AUNIP: variants seen among roughly 807,000 people sequenced by gnomAD.
The protein encoded by AUNIP is aurora kinase A and ninein interacting protein.
AUNIP carries 16 observed loss-of-function variants against 12.2 expected under a neutral mutation model. The ratio of observed to expected loss-of-function variants is 1.31; its 90% CI spans 0.88 to 1.99. The LOEUF (loss-of-function observed/expected upper bound fraction) is 1.99. Among genes scored for constraint, AUNIP ranks in the 30% most tolerant of loss-of-function variants. The probability of loss-of-function intolerance (pLI) is 0.00; values close to 1 mark genes in which losing one functional copy is unlikely to be tolerated. For missense variants in AUNIP, 411 were observed against 419.1 expected (o/e 0.98, Z 0.17); for synonymous variants, 142 against 154.8 (o/e 0.92, Z 0.61).
At chr1:25,831,911 G>A (rs375254636), downstream of AUNIP, 193 of 1,608,890 alleles carry the variant, frequency 1.2e-4, no homozygotes, top group African/African-American at 2.1e-3. Flanking sequence ...AGCTATTATT[G>A]TGTCTCTAGG....
In AUNIP at chr1:25,835,631, T is replaced by C. The variant is rs2048295851; in HGVS notation, c.436A>G (p.Lys146Glu). The change falls in exon 3 of 3, where the codon AAA becomes GAA. Residue 146 changes from lysine (K) to glutamate (E), a missense_variant. By Grantham distance (56) the Lys-to-Glu change is moderately conservative. Coordinates refer to ENST00000374298, the MANE Select transcript of AUNIP (RefSeq NM_024037.3). Reference protein sequence around the residue: ...SLQTSGHHRMKTPFSTELSLL... With the variant: ...SLQTSGHHRMETPFSTELSLL... ...GATAGCTCAGTTGAAAATGGGGTTT[T>C]CATTCTGTGGTGGCCAGAAGTCTGG... The C allele has an allele frequency of 2.5e-6, 4 of 1,614,140 alleles. No individual in the cohort carries two copies. The East Asian group carries it at 6.7e-5, about 27-fold the overall frequency.
At chr1:25,849,567 T>C (rs1481896318) in intron 1 of AUNIP, among the ~76,000 whole-genome samples, 7 of 152,242 alleles carry the variant, frequency 4.6e-5, no homozygotes, top group African/African-American at 1.7e-4. Flanking sequence ...TGTTGTAGCA[T>C]GTATCAATAC....
chr1:25,846,513 C>T (rs2048384912), intron 1 of AUNIP, among the ~76,000 whole-genome samples: 1 of 149,944 alleles, frequency 6.7e-6, no homozygotes, highest in South Asian at 2.1e-4. Flanking sequence ...CACCTGTGGT[C>T]AGGAGTTCAA....
intron 1 of AUNIP, among the ~76,000 whole-genome samples, chr1:25,853,080 G>C (rs1262274228): frequency 2.0e-5 from 3 of 152,188 alleles, no homozygotes; most frequent in Non-Finnish European, 4.4e-5. Context: ...GTGTCATGGA[G>C]AAGACTATGT....
At chr1:25,848,122 T>G (rs2048397168) in intron 1 of AUNIP, among the ~76,000 whole-genome samples, 1 of 152,140 alleles carries the variant, frequency 6.6e-6, no homozygotes, top group South Asian at 2.1e-4. Context: ...TCTTAAGAGA[T>G]AGCTCCCATG....
intron 1 of AUNIP, among the ~76,000 whole-genome samples, chr1:25,855,340 T>C (rs2048453564): frequency 6.6e-6 from 1 of 152,156 alleles, no homozygotes; most frequent in Non-Finnish European, 1.5e-5. Context: ...ATAAACTTTT[T>C]TTATTTTTTG....
Position 25,835,514 on chromosome 1 carries a change from G to A in AUNIP, c.553C>T (p.Leu185=), listed in dbSNP as rs369259769. ...FTEDLESSCL[L]DRKEEKGDSA... ...TCCCCTTTTTCTTCCTTTCGGTCTA[G>A]CAAACAAGAACTTTCCAAGTCCTCG... Residue 185 remains leucine, a synonymous_variant, in exon 3 of 3, where the codon CTA becomes TTA. Coordinates refer to ENST00000374298, the MANE Select transcript of AUNIP (RefSeq NM_024037.3). 1.2e-6 allele frequency: 2 copies of A among 1,614,204 alleles called. No homozygotes were observed. Among genetic ancestry groups the A allele is most frequent in the Non-Finnish European group, 1.7e-6 (2 of 1,180,040 alleles).
chr1:25,847,136 C>T lies in AUNIP; in HGVS notation c.79-9582G>A, dbSNP rs1272670997. Among the ~76,000 whole-genome samples, 1 of 152,226 alleles carries T rather than the reference C, an allele frequency of 6.6e-6. No homozygotes were observed. The highest frequency in any genetic ancestry group is 1.5e-5 in the Non-Finnish European group (1 of 68,042). On this transcript the variant is annotated intron_variant, in intron 1 of 2. Coordinates refer to ENST00000374298, the MANE Select transcript of AUNIP (RefSeq NM_024037.3). The surrounding 1 kb of genome is among the most constrained non-coding windows in gnomAD (Gnocchi z 4.2). Reference sequence around the variant, plus strand: ...TTTATTTTTCTCTGTCCTTTACCTACTCAGCTACCAATTTCCAGCTGCTAA... The same window carrying T: ...TTTATTTTTCTCTGTCCTTTACCTATTCAGCTACCAATTTCCAGCTGCTAA...
intron 1 of AUNIP, among the ~76,000 whole-genome samples, chr1:25,851,458 A>C (rs1282306127): frequency 1.3e-5 from 2 of 152,106 alleles, no homozygotes; most frequent in Non-Finnish European, 2.9e-5. Flanking sequence ...TAATTCTTTA[A>C]ATGTTTGGTA....
downstream of AUNIP, chr1:25,832,405 A>T (rs1454267779): frequency 1.4e-5 from 6 of 442,038 alleles, no homozygotes; most frequent in Non-Finnish European, 2.3e-5. Context: ...CCCAGCTGTC[A>T]CTCACTCAGC....
At chr1:25,843,226 C>T (rs1261830324) in intron 1 of AUNIP, among the ~76,000 whole-genome samples, 1 of 147,954 alleles carries the variant, frequency 6.8e-6, no homozygotes, top group East Asian at 1.9e-4. Context: ...TGATAATGTT[C>T]CTAGCCACTC....
intron 1 of AUNIP, 79 bp downstream of exon 1, chr1:25,859,201 G>T: frequency 7.0e-7 from 1 of 1,426,972 alleles, no homozygotes; most frequent in Non-Finnish European, 9.5e-7. Flanking sequence ...TCATCTCCAG[G>T]TGTCCCCCAA....
At chr1:25,833,802 T>C (rs1050618875), downstream of AUNIP, among the ~76,000 whole-genome samples, 3 of 152,022 alleles carry the variant, frequency 2.0e-5, no homozygotes, top group Non-Finnish European at 2.9e-5. Context: ...AGTTCTCTTA[T>C]AACCTTGCAA....
At chr1:25,831,919 A>T (rs776167327), downstream of AUNIP, 6 of 1,613,424 alleles carry the variant, frequency 3.7e-6, no homozygotes, top group Non-Finnish European at 5.1e-6. Context: ...TTGTGTCTCT[A>T]GGAACCGGAG....
rs2048291853 is a variant in AUNIP, at chr1:25,835,395, CT to C, written c.671del (p.Gln224ArgfsTer3). The C allele has an allele frequency of 6.2e-7, 1 of 1,614,146 alleles. No individual in the cohort carries two copies. The highest frequency in any genetic ancestry group is 1.3e-5 in the African/African-American group (1 of 74,948). ...TTTCCAATTTAGTCTTGCCTAAGGG[CT>C]GACAGCATTTGTCCCCAGGTAGTTT... ...HTKLPGDKCCQPLGKTKLERK... is the reference protein window; with the variant it reads ...HTKLPGDKCCXPLGKTKLERK... On this transcript the variant is annotated frameshift_variant, in exon 3 of 3. Coordinates refer to ENST00000374298, the MANE Select transcript of AUNIP (RefSeq NM_024037.3). LOFTEE classifies it low-confidence loss of function (END_TRUNC).
intron 1 of AUNIP, among the ~76,000 whole-genome samples, chr1:25,855,309 T>C (rs1223584133): frequency 6.6e-6 from 1 of 152,134 alleles, no homozygotes; most frequent in African/African-American, 2.4e-5. Context: ...ACATTAAAAC[T>C]GCCACACTCC....
At chr1:25,852,521 C>A (rs2048431368) in intron 1 of AUNIP, among the ~76,000 whole-genome samples, 1 of 147,168 alleles carries the variant, frequency 6.8e-6, no homozygotes, top group Admixed American at 6.8e-5. Flanking sequence ...TTCACTGCAA[C>A]CTCCGCCTCC....
chr1:25,856,451 G>A (rs906068667), intron 1 of AUNIP, among the ~76,000 whole-genome samples: 3 of 151,684 alleles, frequency 2.0e-5, no homozygotes, highest in Non-Finnish European at 4.4e-5. Flanking sequence ...CGAGGCAGGT[G>A]GATCACCTCA....
At chr1:25,843,185 A>AATATATATATATATATAT (rs1342427424) in intron 1 of AUNIP, among the ~76,000 whole-genome samples, 2 of 124,956 alleles carry the variant, frequency 1.6e-5, no homozygotes, top group Non-Finnish European at 3.3e-5. Flanking sequence ...AAAAAAAAAA[A>AATATATATATATATATAT]ATATATATAT....
Sources: allele counts gnomAD v4.1 joint callset (sites outside exome capture counted in the v4.1 genomes callset), GRCh38; gene constraint gnomAD v4.1.1; non-coding constraint Gnocchi (gnomAD v3.1); transcripts MANE v1.5; gene names NCBI Gene and HGNC (gene_info 2026-07-23, HGNC 2026-07-21).